The following SCARF1 variants were observed in gnomAD, a reference collection of about 807,000 sequenced individuals.
SCARF1 encodes the protein scavenger receptor class F member 1.
Under a neutral mutation model 76.3 loss-of-function variants are expected in SCARF1, and 49 were observed. That is an observed-to-expected ratio of 0.64 (90% CI 0.51 to 0.81). The LOEUF is 0.81. SCARF1 is among the 40% of genes least tolerant of loss of function. The pLI is 0.00. For synonymous variants in SCARF1, 495 were observed against 474.6 expected, an observed-to-expected ratio of 1.04 and a Z score of -0.56; for missense variants, 1,098 against 1,143.9, an observed-to-expected ratio of 0.96 and a Z score of 0.58.
chr17:1,636,677 C>T lies in SCARF1; in HGVS notation c.1633+32G>A, dbSNP rs376601307. 3.1e-6 allele frequency: 5 copies of T among 1,610,602 alleles called. No homozygotes were observed. In the East Asian group the frequency reaches 8.9e-5, roughly 29 times the overall value. ...GAGGGGGTCGTGGTGGGCAGGGCTG[C>T]TCAGGGGCTATGTGGGCTGTTGGGG... On this transcript the variant is annotated intron_variant, in intron 10 of 10. Coordinates refer to ENST00000263071, the MANE Select transcript of SCARF1 (RefSeq NM_003693.4).
intron 4 of SCARF1, among the ~76,000 whole-genome samples, chr17:1,641,698 C>G (rs1271945271): frequency 6.6e-6 from 1 of 152,056 alleles, no homozygotes; most frequent in African/African-American, 2.4e-5. Context: ...TGATCCTGAC[C>G]AGCATTTTTA....
intron 4 of SCARF1, among the ~76,000 whole-genome samples, chr17:1,642,275 C>G (rs545871886): frequency 5.9e-5 from 9 of 151,654 alleles, no homozygotes; most frequent in African/African-American, 1.9e-4. Context: ...TGTTGGTGTG[C>G]TGCACCCACT....
At position 1,643,575 on chromosome 17, in the gene SCARF1, G is replaced by A; in HGVS notation, c.658C>T (p.Gln220Ter). Residue 220 changes from glutamine to a stop codon, truncating the protein, a stop_gained, in exon 4 of 11, where the codon CAG becomes TAG. Coordinates refer to ENST00000263071, the MANE Select transcript of SCARF1 (RefSeq NM_003693.4). LOFTEE classifies it high-confidence loss of function. ...CRPGWWGPEC[Q>*]QQCECVRGRC... ...CCCCGCACACACTCGCACTGCTGCT[G>A]GCATTCGGGACCCCACCAGCCCGGC... 2.0e-6 allele frequency: 3 copies of A among 1,475,898 alleles called. No homozygotes were observed. Among genetic ancestry groups the A allele is most frequent in the Non-Finnish European group, 2.7e-6 (3 of 1,121,202 alleles). The allele number at this position is 1,475,898 out of a possible 1,614,324, so 91.4% of individuals were successfully genotyped here.
chr17:1,640,794 C>G lies in SCARF1; in HGVS notation c.792-128G>C. On this transcript the variant is annotated intron_variant, in intron 4 of 10. Coordinates refer to ENST00000263071, the MANE Select transcript of SCARF1 (RefSeq NM_003693.4). This position sits in a 1 kb window ranked among gnomAD's most constrained non-coding sequence, Gnocchi z 4.7. ...GTGTTCGGGTCCCACCTGGGTCAGG[C>G]AGGTTTGAGCCTCAGTTTCCCCACG... is the stretch of plus-strand genomic sequence containing the variant. 1 of 791,904 alleles carries G rather than the reference C, an allele frequency of 1.3e-6. No homozygotes were observed. Among genetic ancestry groups the G allele is most frequent in the East Asian group, 2.7e-5 (1 of 37,072 alleles). 49.1% of individuals were successfully genotyped at this position (791,904 alleles called of 1,614,324 possible).
rs1910456129 is a variant in SCARF1, at chr17:1,645,422, G to A, written c.101+175C>T. ...TCCTTCCCTGACCCTTCCACCATCT[G>A]CCCTGGCTGGCCACTACCTGCCAGA... On this transcript the variant is annotated intron_variant, in intron 1 of 10. Coordinates refer to ENST00000263071, the MANE Select transcript of SCARF1 (RefSeq NM_003693.4). This position sits in a 1 kb window ranked among gnomAD's most constrained non-coding sequence, Gnocchi z 6.3. The A allele has an allele frequency of 1.4e-6, 2 of 1,456,138 alleles. No homozygotes were observed. Among genetic ancestry groups the A allele is most frequent in the African/African-American group, 1.4e-5 (1 of 70,560 alleles). The allele number at this position is 1,456,138 out of a possible 1,614,324, so 90.2% of individuals were successfully genotyped here.
In SCARF1 at chr17:1,634,875, C is replaced by G; in HGVS notation, c.2376G>C (p.Glu792Asp). ...CTGGGGAGCCACAGCCAGAGACTGG[C>G]TCCTGGGCTCTCCTTGAACTCTCGG... is the stretch of plus-strand genomic sequence containing the variant. ...AGTESSRRAQ[E>D]PVSGCGSPEQ... The change falls in exon 11 of 11, where the codon GAG (glutamate) becomes GAC (aspartate). Residue 792 changes from glutamate (E) to aspartate (D), a missense_variant. Transcript: ENST00000263071. The G allele has an allele frequency of 6.2e-7, 1 of 1,613,984 alleles. No individual in the cohort carries two copies. Among genetic ancestry groups the G allele is most frequent in the South Asian group, 1.1e-5 (1 of 91,082 alleles).
chr17:1,645,547 C>T lies in SCARF1; in HGVS notation c.101+50G>A. 1 of 1,574,920 alleles carries T rather than the reference C, an allele frequency of 6.3e-7. No individual in the cohort carries two copies. Among genetic ancestry groups the T allele is most frequent in the Non-Finnish European group, 8.6e-7 (1 of 1,166,332 alleles). On this transcript the variant is annotated intron_variant, in intron 1 of 10. Coordinates refer to ENST00000263071, the MANE Select transcript of SCARF1 (RefSeq NM_003693.4). The surrounding 1 kb of genome is among the most constrained non-coding windows in gnomAD (Gnocchi z 6.3). ...CGGTTCAGCCACCCGCATCAGACTC[C>T]CACGAGACCCACCTGCTGGCCACAC...
At position 1,640,590 on chromosome 17, in the gene SCARF1, C is replaced by T. The variant is rs368359168; in HGVS notation, c.868G>A (p.Gly290Arg). ...SCESCEPGWN[G>R]TQCQQPCLPG... ...AGGCAGGGCTGCTGGCACTGGGTCC[C>T]GTTCCAGCCCGGCTCGCAGGACTCA... The change falls in exon 5 of 11, where the codon GGG becomes AGG. Residue 290 changes from glycine (G) to arginine (R), a missense_variant. Transcript: ENST00000263071. The surrounding 1 kb of genome is among the most constrained non-coding windows in gnomAD (Gnocchi z 4.7). The T allele has an allele frequency of 2.5e-5, 41 of 1,611,948 alleles. No homozygotes were observed. Among genetic ancestry groups the T allele is most frequent in the Non-Finnish European group, 3.1e-5 (36 of 1,179,582 alleles).
chr17:1,644,906 TC>T lies in SCARF1; in HGVS notation c.192del (p.Asp66ThrfsTer5). 1 of 1,613,472 alleles carries T rather than the reference TC, an allele frequency of 6.2e-7. No homozygotes were observed. The highest frequency in any genetic ancestry group is 8.5e-7 in the Non-Finnish European group (1 of 1,179,954). On this transcript the variant is annotated frameshift_variant, in exon 3 of 11. Coordinates refer to ENST00000263071, the MANE Select transcript of SCARF1 (RefSeq NM_003693.4). LOFTEE classifies it high-confidence loss of function. The surrounding 1 kb of genome is among the most constrained non-coding windows in gnomAD (Gnocchi z 4.8). ...CCCGGCTTCACACACACCTCGTCTTTCTGGCAGGCGTCCGGCCCCTCACAGA... is the reference window on the plus strand; with the variant it reads ...CCCGGCTTCACACACACCTCGTCTTTTGGCAGGCGTCCGGCCCCTCACAGA... ...IPICEGPDAC[Q>X]KDEVCVKPGL...
chr17:1,635,444 G>A lies in SCARF1; in HGVS notation c.1807C>T (p.Arg603Cys), dbSNP rs1231949615. 1.5e-5 allele frequency: 25 copies of A among 1,613,978 alleles called. No individual in the cohort carries two copies. Among genetic ancestry groups the A allele is most frequent in the South Asian group, 6.6e-5 (6 of 91,090 alleles). ...AEGTKFAPQS[R>C]RSSGELSSPL... Reference sequence around the variant, plus strand: ...CTGGAGAGCTCCCCTGAGCTTCGGCGACTCTGTGGTGCAAACTTGGTACCT... The same window carrying A: ...CTGGAGAGCTCCCCTGAGCTTCGGCAACTCTGTGGTGCAAACTTGGTACCT... The change falls in exon 11 of 11, where the codon CGC becomes TGC. Residue 603 changes from arginine (R) to cysteine (C), a missense_variant. By Grantham distance (180) the Arg-to-Cys change is radical. Transcript: ENST00000263071.
In SCARF1 at chr17:1,639,731, G is replaced by C; in HGVS notation, c.1151C>G (p.Ser384Cys). 1 of 1,601,470 alleles carries C rather than the reference G, an allele frequency of 6.2e-7. No individual in the cohort carries two copies. Among genetic ancestry groups the C allele is most frequent in the East Asian group, 2.2e-5 (1 of 44,454 alleles). ...AGYWGPSCNA[S>C]CPAGFHGNNC... Reference sequence around the variant, plus strand: ...GTTTCCATGGAAACCGGCTGGGCAGGAGGCGTTGCAGCTATGGAGTGACAT... The same window carrying C: ...GTTTCCATGGAAACCGGCTGGGCAGCAGGCGTTGCAGCTATGGAGTGACAT... Residue 384 changes from serine to cysteine, a missense_variant, in exon 7 of 11, where the codon TCC (serine) becomes TGC (cysteine). Coordinates refer to ENST00000263071, the MANE Select transcript of SCARF1 (RefSeq NM_003693.4).
Position 1,645,692 on chromosome 17 carries a change from C to A in SCARF1, c.6G>T (p.Gly2=), listed in dbSNP as rs968359630. M[G]LGLLLPLLLL... Reference sequence around the variant, plus strand: ...GCAGCAGCGGGAGCAGCAGCCCCAGCCCCATGGCAGGCAGCTCGGTGGGAG... The same window carrying A: ...GCAGCAGCGGGAGCAGCAGCCCCAGACCCATGGCAGGCAGCTCGGTGGGAG... Residue 2 remains glycine, a synonymous_variant, in exon 1 of 11, where the codon GGG becomes GGT. Transcript: ENST00000263071. This position sits in a 1 kb window ranked among gnomAD's most constrained non-coding sequence, Gnocchi z 6.3. 6.2e-7 allele frequency: 1 copy of A among 1,602,658 alleles called. No homozygotes were observed. The highest frequency in any genetic ancestry group is 1.3e-5 in the African/African-American group (1 of 74,930).
Position 1,645,150 on chromosome 17 carries a change from TG to T in SCARF1, c.163+27del. 1 of 1,613,614 alleles carries T rather than the reference TG, an allele frequency of 6.2e-7. No homozygotes were observed. Among genetic ancestry groups the T allele is most frequent in the Non-Finnish European group, 8.5e-7 (1 of 1,179,814 alleles). ...ACTGGGCTACGGCCTCCCTTCTCCT[TG>T]GCTGAGGGTCTGTCCTGGCTACTCA... On this transcript the variant is annotated intron_variant, in intron 2 of 10. Transcript: ENST00000263071. The surrounding 1 kb of genome is among the most constrained non-coding windows in gnomAD (Gnocchi z 6.3).
Position 1,640,818 on chromosome 17 carries a change from C to T in SCARF1, c.792-152G>A, listed in dbSNP as rs530814270. 21 of 674,640 alleles carry T rather than the reference C, an allele frequency of 3.1e-5. No homozygotes were observed. Among genetic ancestry groups the T allele is most frequent in the African/African-American group, 5.4e-5 (3 of 55,506 alleles). 41.8% of individuals were successfully genotyped at this position (674,640 alleles called of 1,614,324 possible). A position where few individuals can be genotyped will look rare whatever the true frequency, so the allele number is the denominator to read the frequency against. ...GCAGGTTTGAGCCTCAGTTTCCCCA[C>T]GTTGTACAATGAGGACAAATGAGGG... On this transcript the variant is annotated intron_variant, in intron 4 of 10. Transcript: ENST00000263071. The surrounding 1 kb of genome is among the most constrained non-coding windows in gnomAD (Gnocchi z 4.7).
rs761412283 is a variant in SCARF1 at position 1,643,589 on chromosome 17, C to T, written c.644G>A (p.Trp215Ter). The change falls in exon 4 of 11, where the codon TGG becomes TAG. Residue 215 changes from tryptophan to a stop codon, truncating the protein, a stop_gained. Coordinates refer to ENST00000263071, the MANE Select transcript of SCARF1 (RefSeq NM_003693.4). LOFTEE classifies it high-confidence loss of function. ...GCACTGCTGCTGGCATTCGGGACCC[C>T]ACCAGCCCGGCCGGCAGGCGCAGCG... ...SGRCACRPGW[W>*]GPECQQQCEC... 3.4e-6 allele frequency: 5 copies of T among 1,474,414 alleles called. No homozygotes were observed. The highest frequency in any genetic ancestry group is 1.3e-5 in the South Asian group (1 of 78,362). The allele number at this position is 1,474,414 out of a possible 1,614,324, so 91.3% of individuals were successfully genotyped here.
chr17:1,637,834 C>G (rs963092883), intron 8 of SCARF1, among the ~76,000 whole-genome samples: 3 of 152,168 alleles, frequency 2.0e-5, no homozygotes, highest in Non-Finnish European at 4.4e-5. Context: ...GCTCTACCCC[C>G]ACATGTGGAG....
intron 7 of SCARF1, 143 bp downstream of exon 7, chr17:1,639,496 C>T (rs1340108629): frequency 1.6e-6 from 1 of 631,882 alleles, no homozygotes; most frequent in East Asian, 2.7e-5. Flanking sequence ...CAGAGCAAGA[C>T]CTCGTCTTAA....
At chr17:1,637,376 A>G (rs1448230721) in intron 8 of SCARF1, among the ~76,000 whole-genome samples, 1 of 151,346 alleles carries the variant, frequency 6.6e-6, no homozygotes, top group Non-Finnish European at 1.5e-5. Context: ...ATCTATATCT[A>G]TCCATCTATC....
At chr17:1,638,713 G>A (rs1909787142) in intron 8 of SCARF1, 93 bp downstream of exon 8, 1 of 1,403,744 alleles carries the variant, frequency 7.1e-7, no homozygotes, top group Non-Finnish European at 9.4e-7. Flanking sequence ...GGGCAACAAG[G>A]CCAGCCCTCC....
Sources: allele counts gnomAD v4.1 joint callset (sites outside exome capture counted in the v4.1 genomes callset), GRCh38; gene constraint gnomAD v4.1.1; non-coding constraint Gnocchi (gnomAD v3.1); transcripts MANE v1.5; gene names NCBI Gene and HGNC (gene_info 2026-07-23, HGNC 2026-07-21).